Variants in TRIM61 observed in about 807,000 individuals in gnomAD.
The protein encoded by TRIM61 is tripartite motif containing 61, also known as putative tripartite motif-containing protein 61.
A neutral mutation model predicts 14.2 loss-of-function variants in TRIM61; 1 was observed. The ratio of observed to expected loss-of-function variants is 0.07; its 90% CI spans 0.03 to 0.33. The LOEUF (loss-of-function observed/expected upper bound fraction) is 0.33. Among genes scored for constraint, TRIM61 ranks in the 10% least tolerant of loss-of-function variants. TRIM61 has a pLI of 0.99. For missense variants in TRIM61, 19 were observed against 202.2 expected (o/e 0.09, Z 5.49); for synonymous variants, 8 against 71.6 (o/e 0.11, Z 4.49).
At chr4:164,975,741 T>G (rs191956032) in intron 2 of TRIM61, among the ~76,000 whole-genome samples, 263 of 152,202 alleles carry the variant, frequency 1.7e-3, no homozygotes, top group African/African-American at 4.7e-3. Context: ...TCTCCCCATG[T>G]GATAGTCTGA....
rs1732508552 is a variant in TRIM61, at chr4:164,977,517, C to T, written c.-476+14G>A. The T allele has an allele frequency of 6.6e-6, 1 of 152,332 alleles. No homozygotes were observed. Among genetic ancestry groups the T allele is most frequent in the African/African-American group, 2.4e-5 (1 of 41,460 alleles). The allele number at this position is 152,332 out of a possible 1,614,324, so 9.4% of individuals were successfully genotyped here. A position where few individuals can be genotyped will look rare whatever the true frequency, so the allele number is the denominator to read the frequency against. On this transcript the variant is annotated intron_variant, in intron 1 of 4. Transcript: ENST00000329314. ...AGGCCCTTCTGGGCCTTTCCTGCGG[C>T]CTTCCCAGCTCACCTGGAGCAGACG... is the stretch of plus-strand genomic sequence containing the variant.
intron 2 of TRIM61, among the ~76,000 whole-genome samples, chr4:164,973,662 T>G (rs947151918): frequency 6.6e-6 from 1 of 152,208 alleles, no homozygotes; most frequent in African/African-American, 2.4e-5. Context: ...GTCTCAGGTT[T>G]TAAGCATAAA....
chr4:164,967,572 AGTAT>A (rs1315035616), intron 3 of TRIM61, among the ~76,000 whole-genome samples: 2 of 152,208 alleles, frequency 1.3e-5, no homozygotes, highest in Non-Finnish European at 2.9e-5. Flanking sequence ...GTGTATGTAC[AGTAT>A]GTGTGTGTGT....
chr4:164,967,340 CT>C, intron 3 of TRIM61, among the ~76,000 whole-genome samples: 1 of 152,184 alleles, frequency 6.6e-6, no homozygotes, highest in African/African-American at 2.4e-5. Flanking sequence ...AAAAGCTCGT[CT>C]TTTTTGTTGA....
intron 1 of TRIM61, 125 bp downstream of exon 1, chr4:164,977,395 CAGACACTAAGG>C (rs1732505582): frequency 6.6e-6 from 1 of 152,278 alleles, no homozygotes; most frequent in African/African-American, 2.4e-5. Flanking sequence ...AGAGCTACGC[CAGACACTAAGG>C]AGATCCAGTC....
chr4:164,976,310 A>G (rs1229875894), intron 2 of TRIM61, among the ~76,000 whole-genome samples: 2 of 152,026 alleles, frequency 1.3e-5, no homozygotes, highest in Non-Finnish European at 2.9e-5. Flanking sequence ...TCTCTGTCTT[A>G]TTTCTTTTCT....
chr4:164,975,187 G>A (rs551740409), intron 2 of TRIM61, among the ~76,000 whole-genome samples: 2 of 151,064 alleles, frequency 1.3e-5, no homozygotes, highest in Admixed American at 6.6e-5. Flanking sequence ...CTGAGATGGC[G>A]CCATTGCACT....
At chr4:164,961,770 A>C (rs1732141864) in intron 3 of TRIM61, among the ~76,000 whole-genome samples, 1 of 152,198 alleles carries the variant, frequency 6.6e-6, no homozygotes. Flanking sequence ...AATTAAAATC[A>C]AAAACAGTTT....
At chr4:164,971,076 C>G (rs1053728305) in intron 2 of TRIM61, among the ~76,000 whole-genome samples, 7 of 151,764 alleles carry the variant, frequency 4.6e-5, no homozygotes, top group Non-Finnish European at 7.4e-5. Flanking sequence ...ACTCCAGCCC[C>G]AGCGACAGAG....
intron 3 of TRIM61, among the ~76,000 whole-genome samples, chr4:164,961,355 G>T (rs766090318): frequency 6.6e-6 from 1 of 151,666 alleles, no homozygotes; most frequent in Non-Finnish European, 1.5e-5. Context: ...TGCCTTCAAT[G>T]GGCTCATTAG....
At chr4:164,974,409 CAGAT>C (rs1732435936) in intron 2 of TRIM61, among the ~76,000 whole-genome samples, 1 of 152,306 alleles carries the variant, frequency 6.6e-6, no homozygotes, top group Middle Eastern at 3.4e-3. Flanking sequence ...CAATTAACTT[CAGAT>C]AGAATCGAAA....
intron 3 of TRIM61, chr4:164,968,916 T>C (rs1732300050): frequency 1.0e-6 from 1 of 992,298 alleles, no homozygotes; most frequent in Non-Finnish European, 1.2e-6. Flanking sequence ...ACACCAAGAA[T>C]CCATTCAGGC....
intron 3 of TRIM61, among the ~76,000 whole-genome samples, chr4:164,965,559 G>A (rs1042614385): frequency 4.1e-5 from 6 of 145,168 alleles, no homozygotes; most frequent in Admixed American, 1.4e-4. Flanking sequence ...TCAGCCTCCC[G>A]AGTAGCTGGG....
intron 2 of TRIM61, among the ~76,000 whole-genome samples, chr4:164,972,152 A>C (rs1173980367): frequency 6.6e-6 from 1 of 152,232 alleles, no homozygotes; most frequent in East Asian, 1.9e-4. Context: ...AGTATTTCAC[A>C]ATGTAAGCAC....
intron 3 of TRIM61, among the ~76,000 whole-genome samples, chr4:164,965,209 A>G (rs1400022809): frequency 6.6e-6 from 1 of 152,102 alleles, no homozygotes; most frequent in Non-Finnish European, 1.5e-5. Flanking sequence ...AGTCGCTTGA[A>G]TCCGGGAGAG....
chr4:164,957,332 C>T, intron 3 of TRIM61: 1 of 1,614,036 alleles, frequency 6.2e-7, no homozygotes, highest in Non-Finnish European at 8.5e-7. Context: ...TGGCAGCATT[C>T]CGGCTGTCAC....
At chr4:164,977,457 T>G (rs1160521309) in intron 1 of TRIM61, 74 bp downstream of exon 1, 1 of 152,270 alleles carries the variant, frequency 6.6e-6, no homozygotes, top group African/African-American at 2.4e-5. Flanking sequence ...ACAGAGAATG[T>G]TCAAGAAGCC....
chr4:164,969,430 C>T (rs1381517138), intron 3 of TRIM61: 3 of 1,578,606 alleles, frequency 1.9e-6, no homozygotes, highest in South Asian at 2.4e-5. Context: ...GGAGAAATAA[C>T]CTAAGTTGCT....
In TRIM61 at chr4:164,966,887, A is replaced by G. The variant is rs564531873; in HGVS notation, c.525+2591T>C. Among the ~76,000 whole-genome samples, 16 of 152,258 alleles carry G rather than the reference A, an allele frequency of 1.1e-4. No homozygotes were observed. In the East Asian group the frequency reaches 3.1e-3, roughly 29 times the overall value. On this transcript the variant is annotated intron_variant, in intron 3 of 4. Transcript: ENST00000329314. The stretch of plus-strand genomic sequence containing the variant: ...GGTTGCAGTGAGACGAGATAATGCC[A>G]TTGCACTACAGTGTGGGTGACAGAG...
Sources: gnomAD v4.1 joint callset for allele counts (sites outside exome capture counted in the v4.1 genomes callset) on GRCh38, gnomAD v4.1.1 for gene constraint, MANE v1.5 for transcripts, NCBI Gene and HGNC (gene_info 2026-07-23, HGNC 2026-07-21) for gene names.